The following E2F4 variants were observed in gnomAD, a reference collection of about 807,000 sequenced individuals.
The protein encoded by E2F4 is E2F transcription factor 4, also known as transcription factor E2F4.
E2F4 carries 16 observed loss-of-function variants against 44.5 expected under a neutral mutation model. The ratio of observed to expected loss-of-function variants is 0.36; its 90% CI spans 0.24 to 0.55. E2F4 has a LOEUF of 0.55. Among genes scored for constraint, E2F4 ranks in the 20% least tolerant of loss-of-function variants. The probability of loss-of-function intolerance (pLI) is 0.87; values close to 1 mark genes in which losing one functional copy is unlikely to be tolerated. For synonymous variants in E2F4, 242 were observed against 207.2 expected, an observed-to-expected ratio of 1.17 and a Z score of -1.44; for missense variants, 473 against 522.1, an observed-to-expected ratio of 0.91 and a Z score of 0.92.
chr16:67,193,292 C>T (rs1407914207), intron 3 of E2F4, 122 bp downstream of exon 3: 14 of 1,511,008 alleles, frequency 9.3e-6, no homozygotes, highest in Non-Finnish European at 1.2e-5. Context: ...CAGCCTCAGG[C>T]TCCCTCCTCA....
At position 67,197,584 on chromosome 16, in the gene E2F4, T is replaced by C; in HGVS notation, c.1034-15T>C. 6.2e-7 allele frequency: 1 copy of C among 1,614,062 alleles called. No homozygotes were observed. Among genetic ancestry groups the C allele is most frequent in the East Asian group, 2.2e-5 (1 of 44,884 alleles). On this transcript the variant is annotated splice_polypyrimidine_tract_variant and intron_variant, in intron 7 of 9. Transcript: ENST00000379378. ...TGGACCTCTGTGCCCTGAGCATGGCTTTCTTGTTTTTCAGTTTTGGAACTC... is the reference window on the plus strand; with the variant it reads ...TGGACCTCTGTGCCCTGAGCATGGCCTTCTTGTTTTTCAGTTTTGGAACTC...
In E2F4 at chr16:67,195,918, C is replaced by CAGCAGCAGT. The variant is rs34901336; in HGVS notation, c.953_954insTAGCAGCAG (p.Ser317_Ser319dup). ...GCAGCAGCAGCAGCAGCAGCAGCAG[C>CAGCAGCAGT]AGCAGCAGCAGCAACAGTAACAGCA... On this transcript the variant is annotated inframe_insertion, in exon 7 of 10. Coordinates refer to ENST00000379378, the MANE Select transcript of E2F4 (RefSeq NM_001950.4). 2.5e-6 allele frequency: 4 copies of CAGCAGCAGT among 1,607,058 alleles called. No homozygotes were observed. The African/African-American group carries it at 5.3e-5, about 21-fold the overall frequency.
intron 3 of E2F4, 42 bp downstream of exon 3, chr16:67,193,212 G>C: frequency 6.5e-7 from 1 of 1,545,588 alleles, no homozygotes. Flanking sequence ...TGGGCAAGGG[G>C]CCCTCTGGTT....
In E2F4 at chr16:67,192,790, G is replaced by T; in HGVS notation, c.165G>T (p.Lys55Asn). The T allele has an allele frequency of 6.2e-7, 1 of 1,612,586 alleles. No individual in the cohort carries two copies. Among genetic ancestry groups the T allele is most frequent in the Non-Finnish European group, 8.5e-7 (1 of 1,179,256 alleles). Reference sequence around the variant, plus strand: ...CTGACACCCTAGCTGTACGCCAGAAGCGGCGGATTTACGACATTACCAATG... The same window carrying T: ...CTGACACCCTAGCTGTACGCCAGAATCGGCGGATTTACGACATTACCAATG... The part of the protein sequence containing the change: ...LAADTLAVRQ[K>N]RRIYDITNVL... Residue 55 changes from lysine (K) to asparagine (N), a missense_variant, in exon 2 of 10, where the codon AAG becomes AAT. This residue lies in a region of E2F4 where 119 missense variants were observed against 175.6 expected (regional missense o/e 0.68). Coordinates refer to ENST00000379378, the MANE Select transcript of E2F4 (RefSeq NM_001950.4).
At chr16:67,192,962 A>T (rs2032910734) in intron 2 of E2F4, 47 bp from the exon 3 acceptor site, 1 of 1,559,262 alleles carries the variant, frequency 6.4e-7, no homozygotes, top group Non-Finnish European at 8.7e-7. Context: ...GGGCCATGGG[A>T]CCCAGAGTTC....
chr16:67,194,015 G>T, intron 4 of E2F4: 1 of 247,594 alleles, frequency 4.0e-6, no homozygotes, highest in Non-Finnish European at 7.8e-6. Flanking sequence ...CCCCTAAAGT[G>T]CTGGGATTAT....
In E2F4 at chr16:67,198,228, G is replaced by A. The variant is rs180736764; in HGVS notation, c.*105G>A. On this transcript the variant is annotated 3_prime_UTR_variant, in exon 10 of 10. Coordinates refer to ENST00000379378, the MANE Select transcript of E2F4 (RefSeq NM_001950.4). ...CCTACAGAGCTTGAGAGCCACAGAC[G>A]CCTGGCTTCTCCGGCCTCCCCTCAC... The A allele has an allele frequency of 4.5e-5, 45 of 995,794 alleles. No individual in the cohort carries two copies. In the Admixed American group the frequency reaches 6.2e-4, roughly 14 times the overall value. 61.7% of individuals were successfully genotyped at this position (995,794 alleles called of 1,614,324 possible).
rs972491636 is a variant in E2F4 at position 67,192,196 on chromosome 16, G to C, written c.-32G>C. On this transcript the variant is annotated 5_prime_UTR_variant, in exon 1 of 10. Coordinates refer to ENST00000379378, the MANE Select transcript of E2F4 (RefSeq NM_001950.4). ...GTGGCGGCGGCGCCGGCCTGGCCTG[G>C]CCTGGCTGAGGGGAGGCGGCGGGCG... 5 of 1,225,132 alleles carry C rather than the reference G, an allele frequency of 4.1e-6. No homozygotes were observed. The highest frequency in any genetic ancestry group is 5.1e-6 in the Non-Finnish European group (5 of 982,210). 75.9% of individuals were successfully genotyped at this position (1,225,132 alleles called of 1,614,324 possible).
Position 67,194,427 on chromosome 16 carries a change from T to A in E2F4, c.481T>A (p.Ser161Thr). Residue 161 changes from serine (S) to threonine (T), a missense_variant, in exon 5 of 10, where the codon TCA becomes ACA. Ser to Thr is a moderately conservative substitution (Grantham distance 58, BLOSUM62 1). Around this residue, in one of 3 missense-constraint regions of E2F4, gnomAD observed 314 missense variants for 315.6 expected, o/e 0.99. Coordinates refer to ENST00000379378, the MANE Select transcript of E2F4 (RefSeq NM_001950.4). Reference protein sequence around the residue: ...GDTLLAIRAPSGTSLEVPIPE... With the variant: ...GDTLLAIRAPTGTSLEVPIPE... ...TACCCTCTTGGCCATCCGGGCCCCA[T>A]CAGGCACCAGCCTGGAGGTGCCCAT... The A allele has an allele frequency of 1.2e-6, 2 of 1,614,104 alleles. No individual in the cohort carries two copies. Among genetic ancestry groups the A allele is most frequent in the Non-Finnish European group, 1.7e-6 (2 of 1,180,028 alleles).
At position 67,198,352 on chromosome 16, in the gene E2F4, G is replaced by GT; in HGVS notation, c.*232dup. 5.5e-6 allele frequency: 3 copies of GT among 545,514 alleles called. No individual in the cohort carries two copies. The highest frequency in any genetic ancestry group is 9.9e-6 in the Non-Finnish European group (3 of 303,180). 33.8% of individuals were successfully genotyped at this position (545,514 alleles called of 1,614,324 possible). On this transcript the variant is annotated 3_prime_UTR_variant, in exon 10 of 10. Transcript: ENST00000379378. Reference sequence around the variant, plus strand: ...GCCCCCATCACCGTGGAGCCAAAGTGTTTGCTTCTCCCTTTCTGCGGCCTT... The same window carrying GT: ...GCCCCCATCACCGTGGAGCCAAAGTGTTTTGCTTCTCCCTTTCTGCGGCCTT...
intron 5 of E2F4, 66 bp downstream of exon 5, chr16:67,194,525 TC>T (rs2032936667): frequency 6.2e-7 from 1 of 1,602,670 alleles, no homozygotes; most frequent in Non-Finnish European, 8.5e-7. Context: ...GCCTGATAAG[TC>T]CTGGGTGGGG....
intron 4 of E2F4, 99 bp from the exon 5 acceptor site, chr16:67,194,299 A>G (rs1051763073): frequency 1.1e-5 from 15 of 1,338,608 alleles, no homozygotes; most frequent in Non-Finnish European, 1.6e-5. Context: ...CTAGTTCCTC[A>G]GGGACCGTGA....
rs1454052883 is a variant in E2F4, at chr16:67,193,490, T to C, written c.426T>C (p.His142=). Reference sequence around the variant, plus strand: ...CTCACACTTTGGCCTACGTCACTCATGAGGACATCTGCAGATGCTTTGCTG... The same window carrying C: ...CTCACACTTTGGCCTACGTCACTCACGAGGACATCTGCAGATGCTTTGCTG... ...VQNSCLAYVT[H]EDICRCFAGD... is the part of the protein sequence containing the mutation. Residue 142 remains histidine, a synonymous_variant, in exon 4 of 10, where the codon CAT becomes CAC. Coordinates refer to ENST00000379378, the MANE Select transcript of E2F4 (RefSeq NM_001950.4). 1.2e-6 allele frequency: 2 copies of C among 1,614,220 alleles called. No individual in the cohort carries two copies. Among genetic ancestry groups the C allele is most frequent in the East Asian group, 2.2e-5 (1 of 44,886 alleles).
At chr16:67,197,980 C>T in intron 9 of E2F4, 28 bp from the exon 10 acceptor site, 1 of 1,613,908 alleles carries the variant, frequency 6.2e-7, no homozygotes, top group Non-Finnish European at 8.5e-7. Flanking sequence ...AGCCCTGGCC[C>T]AGGGCCTGAG....
At chr16:67,194,519 G>C (rs2032936532) in intron 5 of E2F4, 60 bp downstream of exon 5, 2 of 1,607,042 alleles carry the variant, frequency 1.2e-6, no homozygotes, top group Admixed American at 1.7e-5. Context: ...TGTGGAGCCT[G>C]ATAAGTCCTG....
In E2F4 at chr16:67,198,199, G is replaced by A. The variant is rs978843822; in HGVS notation, c.*76G>A. 2.0e-5 allele frequency: 26 copies of A among 1,309,132 alleles called. No individual in the cohort carries two copies. The highest frequency in any genetic ancestry group is 5.8e-5 in the African/African-American group (4 of 69,000). The allele number at this position is 1,309,132 out of a possible 1,614,324, so 81.1% of individuals were successfully genotyped here. A position where few individuals can be genotyped will look rare whatever the true frequency, so the allele number is the denominator to read the frequency against. On this transcript the variant is annotated 3_prime_UTR_variant, in exon 10 of 10. Coordinates refer to ENST00000379378, the MANE Select transcript of E2F4 (RefSeq NM_001950.4). Reference sequence around the variant, plus strand: ...GGTTGCCTGGGGACCTCTCCCACCCGACCCCTACAGAGCTTGAGAGCCACA... The same window carrying A: ...GGTTGCCTGGGGACCTCTCCCACCCAACCCCTACAGAGCTTGAGAGCCACA...
intron 4 of E2F4, among the ~76,000 whole-genome samples, chr16:67,193,763 A>G (rs2032925065): frequency 6.6e-6 from 1 of 152,052 alleles, no homozygotes; most frequent in African/African-American, 2.4e-5. Context: ...TGTTTCCTGG[A>G]TTTGGCTTCT....
At chr16:67,193,310 T>C (rs1597274909) in intron 3 of E2F4, 140 bp downstream of exon 3, 1 of 1,485,840 alleles carries the variant, frequency 6.7e-7, no homozygotes, top group Non-Finnish European at 9.3e-7. Context: ...TCAGAGCCCC[T>C]CCCCTTCCAC....
chr16:67,193,230 C>T (rs1197217035), intron 3 of E2F4, 60 bp downstream of exon 3: 5 of 1,535,796 alleles, frequency 3.3e-6, no homozygotes, highest in African/African-American at 2.7e-5. Flanking sequence ...GTTCAACTTG[C>T]CCTGAGTCCT....
Sources: gnomAD v4.1 joint callset for allele counts (sites outside exome capture counted in the v4.1 genomes callset) on GRCh38, gnomAD v4.1.1 for gene constraint, gnomAD v4.1.1 regional missense constraint, MANE v1.5 for transcripts, NCBI Gene and HGNC (gene_info 2026-07-23, HGNC 2026-07-21) for gene names.